PCGF5: variants seen among roughly 807,000 people sequenced by gnomAD.
PCGF5 encodes the protein polycomb group ring finger 5.
PCGF5 carries 9 observed loss-of-function variants against 44.3 expected under a neutral mutation model. The ratio of observed to expected loss-of-function variants is 0.20; its 90% CI spans 0.12 to 0.35. The LOEUF (loss-of-function observed/expected upper bound fraction) is 0.35. Among genes scored for constraint, PCGF5 ranks in the 10% least tolerant of loss-of-function variants. PCGF5 has a pLI of 1.00. For synonymous variants in PCGF5, 95 were observed against 102.5 expected, an observed-to-expected ratio of 0.93 and a Z score of 0.44; for missense variants, 146 against 305.3, an observed-to-expected ratio of 0.48 and a Z score of 3.89.
intron 1 of PCGF5, among the ~76,000 whole-genome samples, chr10:91,167,805 A>G (rs575221004): frequency 1.3e-5 from 2 of 152,348 alleles, no homozygotes; most frequent in South Asian, 2.1e-4. Context: ...CAGGTAGTCC[A>G]TTTAAGCTGT....
chr10:91,195,364 T>A (rs903075083), intron 1 of PCGF5, among the ~76,000 whole-genome samples: 3 of 151,838 alleles, frequency 2.0e-5, no homozygotes, highest in Non-Finnish European at 2.9e-5. Flanking sequence ...ATCCTTTCTA[T>A]CCATTGTCTA....
intron 6 of PCGF5, among the ~76,000 whole-genome samples, chr10:91,252,585 A>G (rs1162140319): frequency 1.3e-5 from 2 of 152,046 alleles, no homozygotes; most frequent in Non-Finnish European, 2.9e-5. Context: ...GGCATGTAAT[A>G]AAGTGCATCT....
At chr10:91,277,629 G>A (rs796791264) in intron 9 of PCGF5, among the ~76,000 whole-genome samples, 8 of 152,296 alleles carry the variant, frequency 5.3e-5, no homozygotes, top group African/African-American at 1.9e-4. Flanking sequence ...GTTATTTTAT[G>A]TAATAGTCAA....
intron 2 of PCGF5, among the ~76,000 whole-genome samples, chr10:91,231,720 A>C (rs1845009070): frequency 1.3e-5 from 2 of 152,206 alleles, no homozygotes; most frequent in Admixed American, 1.3e-4. Flanking sequence ...TTTGAGTAGA[A>C]GAATTATATG....
At chr10:91,211,947 A>C (rs968835121) in intron 1 of PCGF5, among the ~76,000 whole-genome samples, 1 of 152,202 alleles carries the variant, frequency 6.6e-6, no homozygotes, top group African/African-American at 2.4e-5. Flanking sequence ...CAGGAGCTGC[A>C]CCACAAGGTT....
At chr10:91,177,990 A>C (rs1337221239) in intron 1 of PCGF5, among the ~76,000 whole-genome samples, 2 of 152,176 alleles carry the variant, frequency 1.3e-5, no homozygotes, top group African/African-American at 2.4e-5. Flanking sequence ...GAAATCATCC[A>C]TATTCTGCGT....
chr10:91,193,608 C>T (rs1844075052), intron 1 of PCGF5, among the ~76,000 whole-genome samples: 1 of 151,972 alleles, frequency 6.6e-6, no homozygotes, highest in African/African-American at 2.4e-5. Context: ...CGGAAAGGCC[C>T]TCCACCCTGG....
chr10:91,178,813 C>A (rs1213835906), intron 1 of PCGF5, among the ~76,000 whole-genome samples: 3 of 152,020 alleles, frequency 2.0e-5, no homozygotes, highest in Non-Finnish European at 4.4e-5. Flanking sequence ...AAATGATTTA[C>A]TTGTGTCCAG....
At chr10:91,211,824 T>C (rs1351973830) in intron 1 of PCGF5, among the ~76,000 whole-genome samples, 1 of 152,188 alleles carries the variant, frequency 6.6e-6, no homozygotes, top group Non-Finnish European at 1.5e-5. Flanking sequence ...AGGCTTTGTC[T>C]TGGAAAGAGT....
intron 1 of PCGF5, among the ~76,000 whole-genome samples, chr10:91,189,370 G>A (rs897498097): frequency 6.6e-6 from 1 of 152,164 alleles, no homozygotes; most frequent in Non-Finnish European, 1.5e-5. Flanking sequence ...GGGAGGTGAT[G>A]TTTTGAAATC....
At chr10:91,162,401 A>ACG (rs1221373328), upstream of PCGF5, among the ~76,000 whole-genome samples, 1 of 152,082 alleles carries the variant, frequency 6.6e-6, no homozygotes, top group Admixed American at 6.5e-5. Flanking sequence ...GGCAGCTTAT[A>ACG]CGGGAAGCCT....
chr10:91,230,998 C>T (rs1198892620), intron 2 of PCGF5, among the ~76,000 whole-genome samples: 1 of 152,196 alleles, frequency 6.6e-6, no homozygotes, highest in Non-Finnish European at 1.5e-5. Context: ...AATCCTCCCA[C>T]CTCAGCCTCC....
At chr10:91,250,637 C>G (rs1845601348) in intron 5 of PCGF5, among the ~76,000 whole-genome samples, 1 of 151,344 alleles carries the variant, frequency 6.6e-6, no homozygotes, top group African/African-American at 2.4e-5. Flanking sequence ...AACTACTCAA[C>G]AGATGAATGA....
At chr10:91,254,016 G>A (rs1337230935) in intron 6 of PCGF5, among the ~76,000 whole-genome samples, 3 of 152,060 alleles carry the variant, frequency 2.0e-5, no homozygotes, top group Admixed American at 6.6e-5. Context: ...CCAAAAGTTT[G>A]CCACCTTTTG....
Position 91,278,396 on chromosome 10 carries a change from T to A in PCGF5, c.*80T>A. The A allele has an allele frequency of 7.8e-7, 1 of 1,283,002 alleles. No individual in the cohort carries two copies. Among genetic ancestry groups the A allele is most frequent in the East Asian group, 2.3e-5 (1 of 43,208 alleles). 79.5% of individuals were successfully genotyped at this position (1,283,002 alleles called of 1,614,324 possible). A position where few individuals can be genotyped will look rare whatever the true frequency, so the allele number is the denominator to read the frequency against. ...AACAGATTGCACAGTTAACGGTGTGTGGACTAGAGGAACACAACCAGATTT... is the reference window on the plus strand; with the variant it reads ...AACAGATTGCACAGTTAACGGTGTGAGGACTAGAGGAACACAACCAGATTT... On this transcript the variant is annotated 3_prime_UTR_variant, in exon 10 of 10. Transcript: ENST00000336126.
intron 1 of PCGF5, among the ~76,000 whole-genome samples, chr10:91,182,182 T>A (rs1843831040): frequency 6.6e-6 from 1 of 152,024 alleles, no homozygotes; most frequent in South Asian, 2.1e-4. Context: ...CTTTTCAATT[T>A]TTTGGAATAG....
chr10:91,253,034 C>A (rs1022449682), intron 6 of PCGF5, among the ~76,000 whole-genome samples: 15 of 151,832 alleles, frequency 9.9e-5, no homozygotes, highest in Non-Finnish European at 1.9e-4. Context: ...CTGATTCTTC[C>A]TTTTTTTCCT....
At chr10:91,184,215 GTC>G (rs1200391942) in intron 1 of PCGF5, among the ~76,000 whole-genome samples, 1 of 152,118 alleles carries the variant, frequency 6.6e-6, no homozygotes, top group Non-Finnish European at 1.5e-5. Context: ...GGTAGATTCA[GTC>G]TCTACATAAT....
At chr10:91,163,809 CGGGCGCT>C (rs1843441528) in intron 1 of PCGF5, among the ~76,000 whole-genome samples, 1 of 139,222 alleles carries the variant, frequency 7.2e-6, no homozygotes, top group Admixed American at 7.2e-5. Context: ...GCGCCCCCTG[CGGGCGCT>C]GCCCGCGCGC....
Sources: gnomAD v4.1 joint callset for allele counts (sites outside exome capture counted in the v4.1 genomes callset) on GRCh38, gnomAD v4.1.1 for gene constraint, MANE v1.5 for transcripts, NCBI Gene and HGNC (gene_info 2026-07-23, HGNC 2026-07-21) for gene names.